Variants in NEDD4 observed in about 807,000 individuals in gnomAD.
NEDD4 encodes E3 ubiquitin-protein ligase NEDD4.
NEDD4 carries 99 observed loss-of-function variants against 144.9 expected under a neutral mutation model. That is an observed-to-expected ratio of 0.68 (90% confidence interval 0.58 to 0.81). NEDD4 has a LOEUF of 0.81. Ranked by LOEUF, NEDD4 falls within the 30% of genes least tolerant of loss-of-function variation. The pLI is 0.00. For missense variants in NEDD4, 985 were observed against 1,065.9 expected (o/e 0.92, Z 1.06); for synonymous variants, 318 against 350.6 (o/e 0.91, Z 1.04).
At chr15:55,944,258 C>T (rs1317519238) in intron 4 of NEDD4, among the ~76,000 whole-genome samples, 1 of 152,216 alleles carries the variant, frequency 6.6e-6, no homozygotes, top group Non-Finnish European at 1.5e-5. Flanking sequence ...ATAAACTGTA[C>T]CTGGAAAAAC....
chr15:55,904,735 G>A (rs1424767325), intron 5 of NEDD4, among the ~76,000 whole-genome samples: 4 of 152,122 alleles, frequency 2.6e-5, no homozygotes, highest in Non-Finnish European at 2.9e-5. Context: ...TTCTACTTGA[G>A]AGTGTTTACT....
intron 8 of NEDD4, among the ~76,000 whole-genome samples, chr15:55,867,798 G>A (rs1484571726): frequency 1.3e-5 from 2 of 152,230 alleles, no homozygotes; most frequent in African/African-American, 4.8e-5. Flanking sequence ...GCTCACGCCT[G>A]TAGTCCCAGC....
At chr15:55,959,642 C>T (rs990297236) in intron 2 of NEDD4, among the ~76,000 whole-genome samples, 1 of 152,176 alleles carries the variant, frequency 6.6e-6, no homozygotes, top group African/African-American at 2.4e-5. Flanking sequence ...GATTACATTA[C>T]ATAAGATTGT....
In NEDD4 at chr15:55,834,340, A is replaced by G. The variant is rs116792818; in HGVS notation, c.2263-54T>C. Reference sequence around the variant, plus strand: ...ATGGGCAGGGCCAATGGCCTTTCCTATGCCTCAGCTTCTGGATGCTACTGG... The same window carrying G: ...ATGGGCAGGGCCAATGGCCTTTCCTGTGCCTCAGCTTCTGGATGCTACTGG... On this transcript the variant is annotated intron_variant, in intron 24 of 28. Transcript: ENST00000435532. The G allele has an allele frequency of 7.6e-4, 871 of 1,141,408 alleles. 7 individuals are homozygous for G. In the African/African-American group the frequency reaches 0.012, roughly 16 times the overall value. The allele number at this position is 1,141,408 out of a possible 1,614,324, so 70.7% of individuals were successfully genotyped here.
chr15:55,913,915 T>C (rs1275476154), intron 5 of NEDD4, among the ~76,000 whole-genome samples: 1 of 151,976 alleles, frequency 6.6e-6, no homozygotes, highest in Non-Finnish European at 1.5e-5. Flanking sequence ...AGCATACTAT[T>C]AACGTTTCTT....
chr15:55,841,867 G>A (rs973138930), intron 19 of NEDD4, 67 bp downstream of exon 19: 20 of 1,392,264 alleles, frequency 1.4e-5, no homozygotes, highest in East Asian at 1.2e-4. Context: ...CACTGCACCC[G>A]GCCGACTCTT....
chr15:55,835,420 G>GTTTTTT lies in NEDD4; in HGVS notation c.2263-1140_2263-1135dup, dbSNP rs56792157. 6.5e-5 allele frequency among the ~76,000 whole-genome samples: 7 copies of GTTTTTT among 108,348 alleles called. 1 individual carries two copies. The highest frequency in any genetic ancestry group is 9.6e-5 in the Admixed American group (1 of 10,414). The allele number at this position is 108,348 out of a possible 152,430, so 71.1% of individuals were successfully genotyped here. ...TATTTCCTTTGCAGTCTCCTGTTCT[G>GTTTTTT]TTTTTTTTTTTTTTTTTTTCCCATG... is the stretch of plus-strand genomic sequence containing the variant. On this transcript the variant is annotated intron_variant, in intron 24 of 28. Transcript: ENST00000435532.
At chr15:55,927,308 C>T (rs72734315) in intron 4 of NEDD4, among the ~76,000 whole-genome samples, 17,374 of 151,538 alleles carry the variant, frequency 0.11, 1,195 homozygotes, top group East Asian at 0.32. Flanking sequence ...CAGACAAAGA[C>T]GACAAGATTC....
At chr15:55,990,216 T>C (rs1234416836) in intron 1 of NEDD4, among the ~76,000 whole-genome samples, 1 of 152,022 alleles carries the variant, frequency 6.6e-6, no homozygotes. Context: ...GCACCATACA[T>C]GTAATGTGCT....
At chr15:55,872,731 T>C (rs2034847415) in intron 6 of NEDD4, among the ~76,000 whole-genome samples, 1 of 152,108 alleles carries the variant, frequency 6.6e-6, no homozygotes, top group Non-Finnish European at 1.5e-5. Context: ...CAGAAGAGAA[T>C]AAGCAGAAAA....
chr15:55,907,957 G>A (rs2036153713), intron 5 of NEDD4, among the ~76,000 whole-genome samples: 1 of 152,110 alleles, frequency 6.6e-6, no homozygotes, highest in South Asian at 2.1e-4. Flanking sequence ...CTTGAGTCAC[G>A]ATCATAATAT....
intron 7 of NEDD4, among the ~76,000 whole-genome samples, chr15:55,870,389 C>G (rs191457351): frequency 3.7e-4 from 57 of 152,274 alleles, no homozygotes; most frequent in Admixed American, 5.9e-4. Context: ...TTTACCTAAT[C>G]TATTTTTATA....
At chr15:55,991,475 A>T (rs2037987731) in intron 1 of NEDD4, among the ~76,000 whole-genome samples, 1 of 152,250 alleles carries the variant, frequency 6.6e-6, no homozygotes, top group African/African-American at 2.4e-5. Context: ...GGTGCCTAGC[A>T]CAATGCATGG....
At chr15:55,982,294 T>C (rs2037816358) in intron 1 of NEDD4, among the ~76,000 whole-genome samples, 1 of 152,188 alleles carries the variant, frequency 6.6e-6, no homozygotes, top group African/African-American at 2.4e-5. Context: ...GAAATAAAAA[T>C]ATACTTTTAT....
intron 2 of NEDD4, among the ~76,000 whole-genome samples, chr15:55,953,586 C>T (rs2037284145): frequency 6.6e-6 from 1 of 151,816 alleles, no homozygotes; most frequent in Admixed American, 6.6e-5. Context: ...GGATTATAGG[C>T]ACACGCCACC....
intron 11 of NEDD4, among the ~76,000 whole-genome samples, chr15:55,859,687 T>G (rs551897864): frequency 7.9e-5 from 12 of 152,180 alleles, no homozygotes; most frequent in African/African-American, 2.6e-4. Flanking sequence ...CAGAGTGAGA[T>G]GTCTCAAAAC....
intron 9 of NEDD4, 101 bp from the exon 10 acceptor site, chr15:55,860,879 TAAAA>T: frequency 3.1e-6 from 3 of 982,412 alleles, no homozygotes; most frequent in Non-Finnish European, 4.6e-6. Context: ...ATTACATCAA[TAAAA>T]AAATTTATTG....
chr15:55,947,711 T>C (rs1595867835), intron 4 of NEDD4, among the ~76,000 whole-genome samples: 1 of 152,332 alleles, frequency 6.6e-6, no homozygotes, highest in Middle Eastern at 3.4e-3. Context: ...CATATGATTA[T>C]CTCAATAGAT....
intron 1 of NEDD4, among the ~76,000 whole-genome samples, chr15:55,981,303 G>A (rs1252451567): frequency 6.6e-6 from 1 of 151,992 alleles, no homozygotes; most frequent in Non-Finnish European, 1.5e-5. Flanking sequence ...GACCTCAGGT[G>A]ATCCACCCGC....
Sources: gnomAD v4.1 joint callset for allele counts (sites outside exome capture counted in the v4.1 genomes callset) on GRCh38, gnomAD v4.1.1 for gene constraint, MANE v1.5 for transcripts, NCBI Gene and HGNC (gene_info 2026-07-23, HGNC 2026-07-21) for gene names.